The following SLC39A8 variants were observed in gnomAD, a reference collection of about 807,000 sequenced individuals.
SLC39A8 encodes metal cation symporter ZIP8.
In SLC39A8, 15 loss-of-function variants were observed where a neutral mutation model predicts 40.4. The ratio of observed to expected loss-of-function variants is 0.37; its 90% CI spans 0.25 to 0.57. The LOEUF (loss-of-function observed/expected upper bound fraction) is 0.57. SLC39A8 is among the 20% of genes least tolerant of loss of function. The pLI is 0.75. For synonymous variants in SLC39A8, 223 were observed against 221.6 expected (o/e 1.01, Z -0.06); for missense variants, 472 against 558.8 (o/e 0.84, Z 1.57).
rs1489252997 is a variant in SLC39A8, at chr4:102,307,565, C to T, written c.423G>A (p.Leu141=). The change falls in exon 4 of 9, where the codon CTG becomes CTA. Residue 141 remains leucine (L), a synonymous_variant. Transcript: ENST00000356736. The part of the protein sequence containing the change: ...YGFLSVTIIN[L]ASLLGLILTP... ...TCAAAATCAATCCGAGGAGAGATGC[C>T]AGATTAATAATCGTCACTGACAGGA... The T allele has an allele frequency of 6.2e-7, 1 of 1,613,322 alleles. No homozygotes were observed. The highest frequency in any genetic ancestry group is 1.1e-5 in the South Asian group (1 of 91,034).
chr4:102,256,066 A>AG (rs1560520342), intron 11 of SLC39A8, among the ~76,000 whole-genome samples: 1 of 152,218 alleles, frequency 6.6e-6, no homozygotes, highest in Non-Finnish European at 1.5e-5. Flanking sequence ...CACAGTTTCT[A>AG]AGCTTCTAAA....
intron 2 of SLC39A8, among the ~76,000 whole-genome samples, chr4:102,324,951 C>T (rs1735131727): frequency 6.6e-6 from 1 of 152,138 alleles, no homozygotes; most frequent in Admixed American, 6.5e-5. Context: ...ACAGCAGGAA[C>T]ATTCAAAGCA....
chr4:102,343,756 T>C (rs555173568), intron 2 of SLC39A8, among the ~76,000 whole-genome samples: 1 of 152,360 alleles, frequency 6.6e-6, no homozygotes, highest in African/African-American at 2.4e-5. Context: ...ACCCAAGGTA[T>C]TGCCAAATGC....
chr4:102,294,381 A>G (rs1164982456), intron 6 of SLC39A8, among the ~76,000 whole-genome samples: 1 of 152,002 alleles, frequency 6.6e-6, no homozygotes, highest in Non-Finnish European at 1.5e-5. Context: ...ATCACTCTTA[A>G]TATCTGATCA....
intron 6 of SLC39A8, among the ~76,000 whole-genome samples, chr4:102,288,650 A>G (rs947390088): frequency 2.6e-5 from 4 of 152,154 alleles, no homozygotes; most frequent in Non-Finnish European, 5.9e-5. Flanking sequence ...TGCTACTCCA[A>G]TGAACACACA....
At chr4:102,256,234 A>T (rs1475486097) in intron 11 of SLC39A8, among the ~76,000 whole-genome samples, 3 of 152,232 alleles carry the variant, frequency 2.0e-5, no homozygotes, top group African/African-American at 7.2e-5. Context: ...CACAAGCAGC[A>T]GTCCCGGTGT....
At chr4:102,302,327 A>G (rs1390068685) in intron 6 of SLC39A8, among the ~76,000 whole-genome samples, 1 of 152,016 alleles carries the variant, frequency 6.6e-6, no homozygotes, top group Non-Finnish European at 1.5e-5. Flanking sequence ...AATATAGCTG[A>G]CTGGCACCTC....
At position 102,263,061 on chromosome 4, in the gene SLC39A8, C is replaced by G. The variant is rs1245337153; in HGVS notation, c.1366G>C (p.Glu456Gln). 1.9e-6 allele frequency: 3 copies of G among 1,610,714 alleles called. No homozygotes were observed. Among genetic ancestry groups the G allele is most frequent in the Admixed American group, 3.3e-5 (2 of 59,758 alleles). Residue 456 changes from glutamate (E) to glutamine (Q), a missense_variant, in exon 9 of 9, where the codon GAA (glutamate) becomes CAA (glutamine). Glu to Gln is a conservative substitution (Grantham distance 29, BLOSUM62 2). Transcript: ENST00000356736. ...AILLITLYAG[E>Q]IELE is the part of the protein sequence containing the mutation. The stretch of plus-strand genomic sequence containing the variant: ...ATTTTCTATTACTCCAATTCGATTT[C>G]TCCTGCATACAAGGTAATGAGTAGA...
rs139294760 is a variant in SLC39A8, at chr4:102,304,636, T to G, written c.676-155A>C. The G allele has an allele frequency of 2.1e-3, 1,315 of 632,636 alleles. 27 individuals carry two copies. In the East Asian group the frequency reaches 0.024, roughly 11 times the overall value. 39.2% of individuals were successfully genotyped at this position (632,636 alleles called of 1,614,324 possible). On this transcript the variant is annotated intron_variant, in intron 5 of 8. Coordinates refer to ENST00000356736, the MANE Select transcript of SLC39A8 (RefSeq NM_001135146.2). Reference sequence around the variant, plus strand: ...TTTTTAGATATATAAAATTTCTCTTTTTTACATGTATTTTCATTTATTAGA... The same window carrying G: ...TTTTTAGATATATAAAATTTCTCTTGTTTACATGTATTTTCATTTATTAGA...
intron 1 of SLC39A8, 55 bp from the exon 2 acceptor site, chr4:102,344,970 G>T: frequency 9.0e-7 from 1 of 1,107,564 alleles, no homozygotes; most frequent in East Asian, 4.3e-5. Flanking sequence ...GGCACCAGCC[G>T]GCAGGCTCCA....
In SLC39A8 at chr4:102,275,955, G is replaced by A. The variant is rs532648201; in HGVS notation, c.841-7876C>T. ...AAACCAATGAGAACAAAGACACAAC[G>A]TACCAGAATCTCCAGGACACAGCTA... is the stretch of plus-strand genomic sequence containing the variant. On this transcript the variant is annotated intron_variant, in intron 6 of 8. Transcript: ENST00000356736. Among the ~76,000 whole-genome samples, 24 of 152,210 alleles carry A rather than the reference G, an allele frequency of 1.6e-4. 1 individual carries two copies. The highest frequency in any genetic ancestry group is 1.3e-3 in the Admixed American group (20 of 15,282).
rs148301668 is a variant in SLC39A8 at position 102,281,664 on chromosome 4, C to T, written c.841-13585G>A. ...TGATAAGGAATAGGCAAGGTGCCAA[C>T]AGAGAGACAAATATAAAGCTATTCT... On this transcript the variant is annotated intron_variant, in intron 6 of 8. Coordinates refer to ENST00000356736, the MANE Select transcript of SLC39A8 (RefSeq NM_001135146.2). Among the ~76,000 whole-genome samples the T allele has an allele frequency of 1.6e-3, 244 of 152,124 alleles. 2 individuals are homozygous for T. Among genetic ancestry groups the T allele is most frequent in the African/African-American group, 5.2e-3 (216 of 41,496 alleles).
At position 102,261,792 on chromosome 4, in the gene SLC39A8, T is replaced by C; in HGVS notation, c.*1252A>G. 3 of 985,988 alleles carry C rather than the reference T, an allele frequency of 3.0e-6. No homozygotes were observed. The highest frequency in any genetic ancestry group is 3.6e-6 in the Non-Finnish European group (3 of 829,922). 61.1% of individuals were successfully genotyped at this position (985,988 alleles called of 1,614,324 possible). A position where few individuals can be genotyped will look rare whatever the true frequency, so the allele number is the denominator to read the frequency against. On this transcript the variant is annotated 3_prime_UTR_variant, in exon 9 of 9. Coordinates refer to ENST00000356736, the MANE Select transcript of SLC39A8 (RefSeq NM_001135146.2). ...CTGCATTGCTGCTACATGAAAACAT[T>C]TTTTGGTCTGTTGGAAAATGTAATT...
At chr4:102,334,029 C>A (rs987777887) in intron 2 of SLC39A8, among the ~76,000 whole-genome samples, 5 of 152,092 alleles carry the variant, frequency 3.3e-5, no homozygotes, top group African/African-American at 1.2e-4. Flanking sequence ...CTGAACCTAA[C>A]AATAAGGTGG....
chr4:102,266,862 T>C (rs1403671256), intron 8 of SLC39A8, among the ~76,000 whole-genome samples: 2 of 152,154 alleles, frequency 1.3e-5, no homozygotes, highest in African/African-American at 4.8e-5. Flanking sequence ...CGCCTCGGCC[T>C]CCCAAAGTGC....
At chr4:102,321,166 G>A (rs887836933) in intron 2 of SLC39A8, among the ~76,000 whole-genome samples, 1 of 152,064 alleles carries the variant, frequency 6.6e-6, no homozygotes, top group Non-Finnish European at 1.5e-5. Flanking sequence ...TAAAACCAGA[G>A]AGGAAATTAT....
chr4:102,343,262 G>A (rs1003420469), intron 2 of SLC39A8, among the ~76,000 whole-genome samples: 1 of 151,930 alleles, frequency 6.6e-6, no homozygotes, highest in Non-Finnish European at 1.5e-5. Context: ...CTTTAATTGT[G>A]GTAAGATATT....
At chr4:102,309,555 C>T (rs912533946) in intron 3 of SLC39A8, among the ~76,000 whole-genome samples, 4 of 152,094 alleles carry the variant, frequency 2.6e-5, no homozygotes, top group Non-Finnish European at 4.4e-5. Context: ...TTTCTCTTAA[C>T]ACAAACATAC....
At chr4:102,307,069 T>C (rs1380910718) in intron 4 of SLC39A8, among the ~76,000 whole-genome samples, 1 of 151,974 alleles carries the variant, frequency 6.6e-6, no homozygotes, top group East Asian at 1.9e-4. Flanking sequence ...ACATTTGCAG[T>C]ACAGTTGACA....
Sources: gnomAD v4.1 joint callset for allele counts (sites outside exome capture counted in the v4.1 genomes callset) on GRCh38, gnomAD v4.1.1 for gene constraint, MANE v1.5 for transcripts, NCBI Gene and HGNC (gene_info 2026-07-23, HGNC 2026-07-21) for gene names.